Variants in LINGO2 observed in about 807,000 individuals in gnomAD.
The protein encoded by LINGO2 is leucine-rich repeat and immunoglobulin-like domain-containing nogo receptor-interacting protein 2.
A neutral mutation model predicts 30.6 loss-of-function variants in LINGO2; 14 were observed. The observed-to-expected ratio is 0.46, with a 90% CI of 0.30 to 0.72. LINGO2 has a LOEUF of 0.72. Among genes scored for constraint, LINGO2 ranks in the 30% least tolerant of loss-of-function variants. The pLI is 0.07. For missense variants in LINGO2, 729 were observed against 751.7 expected (o/e 0.97, Z 0.35); for synonymous variants, 317 against 288.5 (o/e 1.10, Z -1.00).
intron 5 of LINGO2, among the ~76,000 whole-genome samples, chr9:27,999,589 A>G (rs1320153772): frequency 6.6e-6 from 1 of 152,116 alleles, no homozygotes; most frequent in East Asian, 1.9e-4. Context: ...ATAGTGGGTC[A>G]CTTCTTTCCT....
the LINGO2 span, among the ~76,000 whole-genome samples, chr9:28,950,538 T>G: frequency 3.3e-5 from 5 of 151,632 alleles, no homozygotes; most frequent in Non-Finnish European, 7.4e-5. Context: ...ATAAGCAATT[T>G]CAGCAAAGTC....
chr9:28,635,765 A>C (rs754007910), intron 1 of LINGO2, among the ~76,000 whole-genome samples: 11 of 152,170 alleles, frequency 7.2e-5, no homozygotes, highest in Non-Finnish European at 1.6e-4. Flanking sequence ...ATTAGTTTTA[A>C]TATGATCCAA....
At chr9:28,187,556 T>C (rs995319122) in intron 4 of LINGO2, among the ~76,000 whole-genome samples, 1 of 151,082 alleles carries the variant, frequency 6.6e-6, no homozygotes, top group Non-Finnish European at 1.5e-5. Flanking sequence ...CACTACTGGA[T>C]GGATAGAATT....
At chr9:28,992,099 G>T in the LINGO2 span, among the ~76,000 whole-genome samples, 1 of 152,182 alleles carries the variant, frequency 6.6e-6, no homozygotes, top group African/African-American at 2.4e-5. Context: ...AGACCCATCA[G>T]AGTGCTATAT....
chr9:29,033,396 A>ATC, the LINGO2 span, among the ~76,000 whole-genome samples: 255 of 149,304 alleles, frequency 1.7e-3, 1 homozygote, highest in African/African-American at 3.5e-3. Context: ...ATATATATAT[A>ATC]TATCTCTTCT....
chr9:28,478,678 A>G (rs892522056), intron 1 of LINGO2, among the ~76,000 whole-genome samples: 1 of 152,158 alleles, frequency 6.6e-6, no homozygotes, highest in Non-Finnish European at 1.5e-5. Flanking sequence ...TCCTCTTCAG[A>G]CAAATGCCAT....
chr9:28,237,638 A>G (rs1368275404), intron 4 of LINGO2, among the ~76,000 whole-genome samples: 3 of 152,158 alleles, frequency 2.0e-5, no homozygotes, highest in African/African-American at 7.2e-5. Flanking sequence ...TCAGATCACA[A>G]GATCAGGAGT....
At chr9:28,988,512 T>C in the LINGO2 span, among the ~76,000 whole-genome samples, 1 of 152,066 alleles carries the variant, frequency 6.6e-6, no homozygotes, top group East Asian at 1.9e-4. Flanking sequence ...TATTGGTGAA[T>C]TTAATCCATC....
chr9:28,926,045 T>G, the LINGO2 span, among the ~76,000 whole-genome samples: 1 of 152,188 alleles, frequency 6.6e-6, no homozygotes, highest in African/African-American at 2.4e-5. Flanking sequence ...CCAGGTGTGG[T>G]GGCTCACACC....
the LINGO2 span, among the ~76,000 whole-genome samples, chr9:28,725,444 T>A: frequency 6.6e-6 from 1 of 151,616 alleles, no homozygotes; most frequent in South Asian, 2.1e-4. Context: ...AGGCAATGAA[T>A]GAACAACGTA....
chr9:29,095,462 A>G, the LINGO2 span, among the ~76,000 whole-genome samples: 4 of 137,764 alleles, frequency 2.9e-5, 1 homozygote, highest in Non-Finnish European at 6.3e-5. Context: ...ACACAACAAA[A>G]CACCTGAAAC....
chr9:28,034,033 G>A lies in LINGO2; in HGVS notation c.-86-21628C>T, dbSNP rs149363686. ...CCCTTCTAAGAGATGCCTTAGCGAA[G>A]CTTCATGTGCTCTGGAGGTCTCGGG... On this transcript the variant is annotated intron_variant, in intron 4 of 5. Coordinates refer to ENST00000379992, the Ensembl canonical transcript of LINGO2. 5.3e-5 allele frequency among the ~76,000 whole-genome samples: 8 copies of A among 152,322 alleles called. No homozygotes were observed. In the East Asian group the frequency reaches 1.2e-3, roughly 22 times the overall value.
the LINGO2 span, among the ~76,000 whole-genome samples, chr9:28,919,914 G>C: frequency 6.6e-6 from 1 of 152,022 alleles, no homozygotes; most frequent in African/African-American, 2.4e-5. Context: ...TTTGTATTAT[G>C]CTTTCCTCAT....
At chr9:28,151,542 T>A (rs1353651114) in intron 4 of LINGO2, among the ~76,000 whole-genome samples, 1 of 151,848 alleles carries the variant, frequency 6.6e-6, no homozygotes, top group Non-Finnish European at 1.5e-5. Flanking sequence ...GATTATCTTT[T>A]ATCACCAGTG....
chr9:28,199,434 G>C (rs1820145369), intron 4 of LINGO2, among the ~76,000 whole-genome samples: 1 of 151,622 alleles, frequency 6.6e-6, no homozygotes, highest in Non-Finnish European at 1.5e-5. Flanking sequence ...CGCCTCCCGG[G>C]TTCACGCCAT....
chr9:28,181,128 G>C (rs1828899004), intron 4 of LINGO2, among the ~76,000 whole-genome samples: 1 of 152,104 alleles, frequency 6.6e-6, no homozygotes, highest in South Asian at 2.1e-4. Flanking sequence ...GCTGAAGGGA[G>C]ACAGCAAGTA....
At chr9:29,163,967 A>G in the LINGO2 span, among the ~76,000 whole-genome samples, 1 of 152,130 alleles carries the variant, frequency 6.6e-6, no homozygotes, top group Non-Finnish European at 1.5e-5. Context: ...CAAAGTATGG[A>G]TTAAGTGATG....
chr9:28,353,305 A>T (rs1268892516), intron 3 of LINGO2, among the ~76,000 whole-genome samples: 3 of 149,690 alleles, frequency 2.0e-5, no homozygotes, highest in African/African-American at 7.4e-5. Context: ...CAAATTTACA[A>T]GAAAAAAACA....
At chr9:28,217,486 C>T (rs1398714823) in intron 4 of LINGO2, among the ~76,000 whole-genome samples, 1 of 151,884 alleles carries the variant, frequency 6.6e-6, no homozygotes, top group African/African-American at 2.4e-5. Context: ...CTGTTCATAC[C>T]CTTATGCATG....
Sources: gnomAD v4.1 joint callset for allele counts (sites outside exome capture counted in the v4.1 genomes callset) on GRCh38, gnomAD v4.1.1 for gene constraint, MANE v1.5 for transcripts, NCBI Gene and HGNC (gene_info 2026-07-23, HGNC 2026-07-21) for gene names.